Variants in PPARGC1A observed in about 807,000 individuals in gnomAD.
The protein encoded by PPARGC1A is peroxisome proliferator-activated receptor gamma coactivator 1-alpha.
A neutral mutation model predicts 88.7 loss-of-function variants in PPARGC1A; 25 were observed. That is an observed-to-expected ratio of 0.28 (90% confidence interval 0.21 to 0.39). The LOEUF is 0.39. PPARGC1A is among the 10% of genes least tolerant of loss of function. The probability of loss-of-function intolerance (pLI) is 1.00; values close to 1 mark genes in which losing one functional copy is unlikely to be tolerated. For missense variants in PPARGC1A, 880 were observed against 968.7 expected, an observed-to-expected ratio of 0.91 and a Z score of 1.22; for synonymous variants, 363 against 355.6, an observed-to-expected ratio of 1.02 and a Z score of -0.24.
the PPARGC1A span, among the ~76,000 whole-genome samples, chr4:24,290,091 A>C: frequency 6.6e-6 from 1 of 151,980 alleles, no homozygotes; most frequent in Non-Finnish European, 1.5e-5. Flanking sequence ...GGAAAAACCC[A>C]CCCCCATGAT....
At chr4:24,076,891 CTATT>C in the PPARGC1A span, among the ~76,000 whole-genome samples, 3 of 152,000 alleles carry the variant, frequency 2.0e-5, no homozygotes, top group African/African-American at 7.2e-5. Context: ...GTTATTATAA[CTATT>C]TAACTTTTGT....
chr4:24,385,619 C>T, the PPARGC1A span, among the ~76,000 whole-genome samples: 5 of 152,198 alleles, frequency 3.3e-5, no homozygotes, highest in Admixed American at 6.5e-5. Flanking sequence ...AACACCTCTA[C>T]GCAAATAGAC....
chr4:24,297,647 C>A, the PPARGC1A span, among the ~76,000 whole-genome samples: 1 of 152,110 alleles, frequency 6.6e-6, no homozygotes, highest in Non-Finnish European at 1.5e-5. Flanking sequence ...AATAACACTT[C>A]ATCAGGAGCT....
chr4:24,329,051 G>A, the PPARGC1A span, among the ~76,000 whole-genome samples: 1 of 152,116 alleles, frequency 6.6e-6, no homozygotes. Context: ...TTATGTTGGG[G>A]AGCAATCTAG....
chr4:24,059,010 G>A, the PPARGC1A span, among the ~76,000 whole-genome samples: 4 of 152,292 alleles, frequency 2.6e-5, no homozygotes, highest in African/African-American at 9.6e-5. Flanking sequence ...TGTTTTGTAT[G>A]TGGGTGGCAG....
chr4:24,464,551 A>G, the PPARGC1A span, among the ~76,000 whole-genome samples: 1 of 152,126 alleles, frequency 6.6e-6, no homozygotes, highest in African/African-American at 2.4e-5. Context: ...TTTGCTTGTT[A>G]TTACACAACC....
chr4:24,135,355 G>A, the PPARGC1A span, among the ~76,000 whole-genome samples: 1 of 152,116 alleles, frequency 6.6e-6, no homozygotes, highest in Non-Finnish European at 1.5e-5. Flanking sequence ...TCTCCATTAA[G>A]TTAGGAACAT....
the PPARGC1A span, among the ~76,000 whole-genome samples, chr4:24,385,317 A>G: frequency 2.3e-3 from 350 of 152,280 alleles, 1 homozygote; most frequent in Middle Eastern, 0.017. Flanking sequence ...ACACCCTAAT[A>G]TCACAATTGA....
At chr4:24,170,613 T>C in the PPARGC1A span, among the ~76,000 whole-genome samples, 1 of 152,170 alleles carries the variant, frequency 6.6e-6, no homozygotes, top group Non-Finnish European at 1.5e-5. Context: ...TGATAGTCCA[T>C]CAGCTCGTTG....
chr4:23,819,129 T>G (rs1722527278), intron 7 of PPARGC1A, among the ~76,000 whole-genome samples: 1 of 152,062 alleles, frequency 6.6e-6, no homozygotes, highest in East Asian at 1.9e-4. Flanking sequence ...AAAGCTGATA[T>G]TCACTGAGTA....
the PPARGC1A span, among the ~76,000 whole-genome samples, chr4:24,199,747 T>C: frequency 6.6e-6 from 1 of 152,298 alleles, no homozygotes; most frequent in South Asian, 2.1e-4. Flanking sequence ...AAGCGGTCAT[T>C]CCCCTGCACT....
chr4:24,205,346 C>T, the PPARGC1A span, among the ~76,000 whole-genome samples: 18 of 152,144 alleles, frequency 1.2e-4, 1 homozygote, highest in East Asian at 1.9e-4. Flanking sequence ...TATACTTTTT[C>T]GATGAGTAGA....
the PPARGC1A span, among the ~76,000 whole-genome samples, chr4:24,262,662 T>A: frequency 1.3e-5 from 2 of 152,102 alleles, no homozygotes; most frequent in Non-Finnish European, 1.5e-5. Flanking sequence ...CCAAGAATGG[T>A]TTATAAAAGA....
chr4:23,809,786 C>T (rs1429489218), intron 10 of PPARGC1A, among the ~76,000 whole-genome samples: 1 of 152,124 alleles, frequency 6.6e-6, no homozygotes. Flanking sequence ...AACCGTGTGG[C>T]TAAAGGCTAC....
At chr4:24,148,791 C>T in the PPARGC1A span, among the ~76,000 whole-genome samples, 13,783 of 152,212 alleles carry the variant, frequency 0.091, 665 homozygotes, top group African/African-American at 0.1. Flanking sequence ...AGGTTTCTAT[C>T]ATGTAGACAT....
chr4:24,327,665 G>T, the PPARGC1A span, among the ~76,000 whole-genome samples: 3 of 151,198 alleles, frequency 2.0e-5, no homozygotes, highest in African/African-American at 4.9e-5. Flanking sequence ...AGCTTAATCT[G>T]TCCCACTCTA....
chr4:24,178,271 T>G, the PPARGC1A span, among the ~76,000 whole-genome samples: 117 of 152,322 alleles, frequency 7.7e-4, no homozygotes, highest in African/African-American at 2.4e-3. Context: ...AGCATAGTAC[T>G]TTTGTTAGAG....
the PPARGC1A span, among the ~76,000 whole-genome samples, chr4:24,032,684 A>G: frequency 6.6e-6 from 1 of 152,174 alleles, no homozygotes; most frequent in Non-Finnish European, 1.5e-5. Context: ...AGGAATGCTA[A>G]GAGGAGTTGG....
At chr4:23,835,155 ATAC>A (rs1463239714) in intron 2 of PPARGC1A, among the ~76,000 whole-genome samples, 1 of 152,214 alleles carries the variant, frequency 6.6e-6, no homozygotes. Flanking sequence ...CTTTCCAGCA[ATAC>A]TACAAGCCGT....
Sources: allele counts gnomAD v4.1 joint callset (sites outside exome capture counted in the v4.1 genomes callset), GRCh38; gene constraint gnomAD v4.1.1; transcripts MANE v1.5; gene names NCBI Gene and HGNC (gene_info 2026-07-23, HGNC 2026-07-21).